Variants in SPICE1 observed in about 807,000 individuals in gnomAD.
SPICE1 encodes the protein spindle and centriole-associated protein 1.
SPICE1 carries 75 observed loss-of-function variants against 102.7 expected under a neutral mutation model. That is an observed-to-expected ratio of 0.73 (90% CI 0.61 to 0.88). SPICE1 has a LOEUF of 0.88. SPICE1 is among the 40% of genes least tolerant of loss of function. The pLI is 0.00. For synonymous variants in SPICE1, 308 were observed against 350.3 expected, an observed-to-expected ratio of 0.88 and a Z score of 1.35; for missense variants, 979 against 1,020.1, an observed-to-expected ratio of 0.96 and a Z score of 0.55.
Position 113,488,990 on chromosome 3 carries a change from TC to T in SPICE1, c.565del (p.Glu189SerfsTer6), listed in dbSNP as rs1270904985. 6.2e-7 allele frequency: 1 copy of T among 1,613,518 alleles called. No homozygotes were observed. The highest frequency in any genetic ancestry group is 8.5e-7 in the Non-Finnish European group (1 of 1,179,520). On this transcript the variant is annotated frameshift_variant, in exon 7 of 18. Transcript: ENST00000295872. LOFTEE classifies it high-confidence loss of function. ...SQSGESENEN[E>X]LDNSLNSQSN... ...CTGAGAGTTTAGAGAGTTATCCAAC[TC>T]ATTCTCATTCTCACTTTCTCCTGAC...
intron 7 of SPICE1, among the ~76,000 whole-genome samples, chr3:113,477,572 G>T (rs1345729686): frequency 2.0e-5 from 3 of 152,008 alleles, no homozygotes; most frequent in Non-Finnish European, 2.9e-5. Context: ...TTAAGAAAAT[G>T]TGGCACATAT....
chr3:113,480,041 C>A (rs73241124), intron 7 of SPICE1, among the ~76,000 whole-genome samples: 1,635 of 151,950 alleles, frequency 0.011, 26 homozygotes, highest in Middle Eastern at 0.017. Context: ...TTGAGGAGAA[C>A]AAGTAAGCAC....
intron 7 of SPICE1, among the ~76,000 whole-genome samples, chr3:113,486,752 G>T (rs1472529688): frequency 6.6e-6 from 1 of 151,262 alleles, no homozygotes; most frequent in African/African-American, 2.4e-5. Context: ...TCATGAACAT[G>T]CACATTTATT....
chr3:113,487,099 T>C (rs1311385668), intron 7 of SPICE1, among the ~76,000 whole-genome samples: 1 of 152,074 alleles, frequency 6.6e-6, no homozygotes, highest in Non-Finnish European at 1.5e-5. Flanking sequence ...CCTAATTATA[T>C]TTCAAATGAA....
intron 16 of SPICE1, among the ~76,000 whole-genome samples, 200 bp downstream of exon 16, chr3:113,447,838 C>G (rs1223992940): frequency 6.6e-6 from 1 of 152,120 alleles, no homozygotes; most frequent in Non-Finnish European, 1.5e-5. Flanking sequence ...AGTAGCAAAC[C>G]CATGCCTTTC....
At chr3:113,471,524 G>T (rs887186360) in intron 7 of SPICE1, among the ~76,000 whole-genome samples, 3 of 152,162 alleles carry the variant, frequency 2.0e-5, no homozygotes, top group Non-Finnish European at 4.4e-5. Context: ...TTGGCCTAGT[G>T]AAACTGATTT....
chr3:113,479,565 T>C (rs1476620960), intron 7 of SPICE1, among the ~76,000 whole-genome samples: 2 of 152,092 alleles, frequency 1.3e-5, no homozygotes, highest in African/African-American at 4.8e-5. Flanking sequence ...ACTTCCACAA[T>C]GGTTGAACTA....
intron 7 of SPICE1, among the ~76,000 whole-genome samples, chr3:113,476,442 T>C (rs1051417746): frequency 1.3e-5 from 2 of 149,702 alleles, no homozygotes; most frequent in African/African-American, 5.1e-5. Context: ...TACTTTAAAG[T>C]TCATATGGAA....
In SPICE1 at chr3:113,468,142, T is replaced by G; in HGVS notation, c.1152A>C (p.Lys384Asn). 6.2e-7 allele frequency: 1 copy of G among 1,614,184 alleles called. No homozygotes were observed. Among genetic ancestry groups the G allele is most frequent in the Non-Finnish European group, 8.5e-7 (1 of 1,180,012 alleles). Reference sequence around the variant, plus strand: ...TCTACTAACCTAATGTCCTTACCTCTTTAAGGTACCGAACCAGGCGACAGA... The same window carrying G: ...TCTACTAACCTAATGTCCTTACCTCGTTAAGGTACCGAACCAGGCGACAGA... Reference protein sequence around the residue: ...SSLCRLVRYLKESEIQLRKEV... With the variant: ...SSLCRLVRYLNESEIQLRKEV... Residue 384 changes from lysine to asparagine, a missense_variant, in exon 10 of 18, where the codon AAA (lysine) becomes AAC (asparagine). Lys to Asn is a moderately conservative substitution (Grantham distance 94). Coordinates refer to ENST00000295872, the MANE Select transcript of SPICE1 (RefSeq NM_144718.4).
In SPICE1 at chr3:113,485,207, G is replaced by A. The variant is rs1451484122; in HGVS notation, c.611+3738C>T. Among the ~76,000 whole-genome samples, 7 of 150,004 alleles carry A rather than the reference G, an allele frequency of 4.7e-5. No individual in the cohort carries two copies. The South Asian group carries it at 1.3e-3, about 27-fold the overall frequency. ...TTTTTTTTTTCCATACCACAGTGGC[G>A]CCTAGAACGCCAGAGAGACAGAACT... On this transcript the variant is annotated intron_variant, in intron 7 of 17. Coordinates refer to ENST00000295872, the MANE Select transcript of SPICE1 (RefSeq NM_144718.4).
At chr3:113,455,543 C>G (rs913856921) in intron 13 of SPICE1, among the ~76,000 whole-genome samples, 14 of 152,312 alleles carry the variant, frequency 9.2e-5, no homozygotes, top group African/African-American at 3.4e-4. Context: ...ATGGAGCAGA[C>G]ACAGAACATT....
At chr3:113,456,128 T>C (rs939760206) in intron 13 of SPICE1, among the ~76,000 whole-genome samples, 1 of 152,216 alleles carries the variant, frequency 6.6e-6, no homozygotes, top group South Asian at 2.1e-4. Context: ...ATCTGACAAA[T>C]GCTACATCTG....
At chr3:113,456,236 A>G (rs534238527) in intron 13 of SPICE1, among the ~76,000 whole-genome samples, 1 of 152,302 alleles carries the variant, frequency 6.6e-6, no homozygotes, top group Non-Finnish European at 1.5e-5. Flanking sequence ...CATACATCAA[A>G]GTGCAGAAAA....
intron 7 of SPICE1, among the ~76,000 whole-genome samples, chr3:113,483,324 C>A (rs1465003186): frequency 6.6e-6 from 1 of 152,150 alleles, no homozygotes; most frequent in Non-Finnish European, 1.5e-5. Context: ...ATGGTGTTTT[C>A]TAAATATACA....
chr3:113,499,679 A>G, intron 3 of SPICE1, 97 bp from the exon 4 acceptor site: 1 of 1,259,452 alleles, frequency 7.9e-7, no homozygotes, highest in East Asian at 2.6e-5. Flanking sequence ...ATCACTTTTT[A>G]AACTTTTTCT....
In SPICE1 at chr3:113,469,051, G is replaced by C. The variant is rs756662784; in HGVS notation, c.751+48C>G. On this transcript the variant is annotated intron_variant, in intron 8 of 17. Transcript: ENST00000295872. ...TTCAAAAATTACTGCATTCAAGAAT[G>C]AACCTAATAAAGCAGGCACCTAGAA... 9 of 1,591,416 alleles carry C rather than the reference G, an allele frequency of 5.7e-6. No homozygotes were observed. In the Admixed American group the frequency reaches 1.6e-4, roughly 29 times the overall value.
At chr3:113,489,180 G>T in intron 6 of SPICE1, 117 bp from the exon 7 acceptor site, 1 of 624,270 alleles carries the variant, frequency 1.6e-6, no homozygotes, top group Non-Finnish European at 2.8e-6. Context: ...TCCACATGTT[G>T]TAGAACACAA....
intron 11 of SPICE1, among the ~76,000 whole-genome samples, chr3:113,464,669 A>T (rs1457740798): frequency 2.0e-5 from 3 of 152,268 alleles, no homozygotes; most frequent in Non-Finnish European, 4.4e-5. Flanking sequence ...AATAAAAGTA[A>T]TAATAACCAT....
At chr3:113,469,535 TTA>T (rs1936148206) in intron 7 of SPICE1, among the ~76,000 whole-genome samples, 1 of 147,386 alleles carries the variant, frequency 6.8e-6, no homozygotes, top group Non-Finnish European at 1.5e-5. Flanking sequence ...ATAAATTAAA[TTA>T]TATTTATATC....
Sources: allele counts gnomAD v4.1 joint callset (sites outside exome capture counted in the v4.1 genomes callset), GRCh38; gene constraint gnomAD v4.1.1; transcripts MANE v1.5; gene names NCBI Gene and HGNC (gene_info 2026-07-23, HGNC 2026-07-21).